ZNF16: variants seen among roughly 807,000 people sequenced by gnomAD.
ZNF16 encodes zinc finger protein KOX9.
In ZNF16, 7 loss-of-function variants were observed where a neutral mutation model predicts 9.0. The ratio of observed to expected loss-of-function variants is 0.78; its 90% confidence interval spans 0.44 to 1.47. ZNF16 has a LOEUF of 1.47. ZNF16 is among the 40% of genes most tolerant of loss of function. ZNF16 has a pLI of 0.01. For synonymous variants in ZNF16, 312 were observed against 301.5 expected, an observed-to-expected ratio of 1.03 and a Z score of -0.36; for missense variants, 830 against 854.2, an observed-to-expected ratio of 0.97 and a Z score of 0.35.
At position 144,932,299 on chromosome 8, in the gene ZNF16, C is replaced by A; in HGVS notation, c.488G>T (p.Ser163Ile). Reference sequence around the variant, plus strand: ...ACATGCCATCAGGTTTGGGCTCAGACTGAAGCGACTGTCAAAACCATTACA... The same window carrying A: ...ACATGCCATCAGGTTTGGGCTCAGAATGAAGCGACTGTCAAAACCATTACA... ...LDCNGFDSRFSLSPNLMACQE... is the reference protein window; with the variant it reads ...LDCNGFDSRFILSPNLMACQE... The change falls in exon 3 of 3, where the codon AGT (serine) becomes ATT (isoleucine). Residue 163 changes from serine (S) to isoleucine (I), a missense_variant. Physicochemically the swap from Ser to Ile is moderately radical, Grantham distance 142. Transcript: ENST00000394909. This position sits in a 1 kb window ranked among gnomAD's most constrained non-coding sequence, Gnocchi z 5.0. 1 of 1,614,184 alleles carries A rather than the reference C, an allele frequency of 6.2e-7. No homozygotes were observed. The highest frequency in any genetic ancestry group is 8.5e-7 in the Non-Finnish European group (1 of 1,180,044).
intron 2 of ZNF16, chr8:144,944,446 C>T (rs1031400110): frequency 6.8e-6 from 1 of 146,780 alleles, no homozygotes; most frequent in Non-Finnish European, 1.5e-5. Context: ...CGTGAGCCAC[C>T]GTGGTGCTGG....
intron 1 of ZNF16, among the ~76,000 whole-genome samples, chr8:144,946,834 T>C (rs868557256): frequency 1.6e-4 from 17 of 106,954 alleles, no homozygotes; most frequent in African/African-American, 6.8e-4. Flanking sequence ...TGGGCCTGTA[T>C]CCTGCTGTTG....
Position 144,932,342 on chromosome 8 carries a change from C to T in ZNF16, c.445G>A (p.Gly149Arg), listed in dbSNP as rs1289600599. The change falls in exon 3 of 3, where the codon GGG becomes AGG. Residue 149 changes from glycine (G) to arginine (R), a missense_variant. Gly to Arg is a moderately radical substitution (Grantham distance 125). Transcript: ENST00000394909. This position sits in a 1 kb window ranked among gnomAD's most constrained non-coding sequence, Gnocchi z 5.0. ...CCATTACAGTCCAGATCTTTCTCCC[C>T]TAAGGGGCCCCTAAGGAGCCCCATG... ...AAMGLLRGPL[G>R]EKDLDCNGFD... 6.2e-7 allele frequency: 1 copy of T among 1,614,016 alleles called. No homozygotes were observed. The highest frequency in any genetic ancestry group is 1.3e-5 in the African/African-American group (1 of 74,926).
At chr8:144,941,699 C>G in intron 2 of ZNF16, among the ~76,000 whole-genome samples, 1 of 151,260 alleles carries the variant, frequency 6.6e-6, no homozygotes, top group Non-Finnish European at 1.5e-5. Context: ...CTCGCTGTCA[C>G]CCAGGCTGGA....
intron 2 of ZNF16, among the ~76,000 whole-genome samples, chr8:144,941,536 G>C (rs1349395726): frequency 6.6e-6 from 1 of 152,154 alleles, no homozygotes; most frequent in African/African-American, 2.4e-5. Flanking sequence ...GAAAAGGAAG[G>C]ACTTCTGCCA....
chr8:144,950,125 T>A (rs192606132), intron 1 of ZNF16, among the ~76,000 whole-genome samples: 1 of 152,140 alleles, frequency 6.6e-6, no homozygotes, highest in African/African-American at 2.4e-5. Flanking sequence ...AAATCTGGCC[T>A]ACGTGCCCAT....
At chr8:144,936,282 G>T (rs1312093970) in intron 2 of ZNF16, among the ~76,000 whole-genome samples, 1 of 152,310 alleles carries the variant, frequency 6.6e-6, no homozygotes, top group South Asian at 2.1e-4. Flanking sequence ...ATATTCATTT[G>T]TATGTAGACA....
chr8:144,948,736 C>T (rs1275542977), intron 1 of ZNF16, among the ~76,000 whole-genome samples: 1 of 140,780 alleles, frequency 7.1e-6, no homozygotes, highest in African/African-American at 2.6e-5. Flanking sequence ...TTACACCCAA[C>T]TATGCTATGG....
chr8:144,935,209 T>A (rs111607717), intron 2 of ZNF16, among the ~76,000 whole-genome samples: 5 of 66,670 alleles, frequency 7.5e-5, no homozygotes, highest in African/African-American at 1.2e-4. Flanking sequence ...TTAAGAAAAA[T>A]TTTTTTTTTG....
At chr8:144,943,025 G>A (rs1316125814) in intron 2 of ZNF16, among the ~76,000 whole-genome samples, 2 of 152,142 alleles carry the variant, frequency 1.3e-5, no homozygotes, top group African/African-American at 2.4e-5. Context: ...TTCCTTGTGG[G>A]GCAGTCTATT....
chr8:144,944,687 G>A (rs1833886563), intron 2 of ZNF16: 1 of 152,060 alleles, frequency 6.6e-6, no homozygotes, highest in African/African-American at 2.4e-5. Context: ...CATGATTTTT[G>A]CTTTGTTAAA....
chr8:144,934,757 A>G (rs1325038242), intron 2 of ZNF16, among the ~76,000 whole-genome samples: 1 of 152,218 alleles, frequency 6.6e-6, no homozygotes, highest in Non-Finnish European at 1.5e-5. Context: ...CAACACAGAC[A>G]GGAGTCAGGA....
intron 2 of ZNF16, among the ~76,000 whole-genome samples, chr8:144,939,710 C>T (rs1181056645): frequency 6.7e-6 from 1 of 148,798 alleles, no homozygotes; most frequent in African/African-American, 2.5e-5. Flanking sequence ...TCTACCTATG[C>T]TTGAGTCAGT....
At chr8:144,941,667 AT>A (rs113061574) in intron 2 of ZNF16, among the ~76,000 whole-genome samples, 16,568 of 141,892 alleles carry the variant, frequency 0.12, 2,621 homozygotes, top group African/African-American at 0.37. Flanking sequence ...TCTTGTGTCC[AT>A]TTTTTTTTTT....
At chr8:144,939,204 T>G (rs1833747425) in intron 2 of ZNF16, among the ~76,000 whole-genome samples, 1 of 152,218 alleles carries the variant, frequency 6.6e-6, no homozygotes, top group African/African-American at 2.4e-5. Context: ...CATATCTTTA[T>G]CTGGCTTTGG....
chr8:144,941,799 C>T (rs1833801264), intron 2 of ZNF16, among the ~76,000 whole-genome samples: 1 of 151,462 alleles, frequency 6.6e-6, no homozygotes, highest in African/African-American at 2.4e-5. Context: ...GCTGGGACTA[C>T]AGGCGGGTGC....
chr8:144,942,752 T>C (rs1475502708), intron 2 of ZNF16, among the ~76,000 whole-genome samples: 2 of 152,214 alleles, frequency 1.3e-5, no homozygotes, highest in Admixed American at 1.3e-4. Context: ...CCTTTATACA[T>C]AGTGGGGTAA....
At chr8:144,934,588 G>C (rs1297427152) in intron 2 of ZNF16, among the ~76,000 whole-genome samples, 1 of 152,224 alleles carries the variant, frequency 6.6e-6, no homozygotes, top group Non-Finnish European at 1.5e-5. Context: ...TGCTGGGACA[G>C]GTGAGGTCTG....
chr8:144,935,803 C>T (rs1366689392), intron 2 of ZNF16, among the ~76,000 whole-genome samples: 6 of 152,208 alleles, frequency 3.9e-5, no homozygotes, highest in Admixed American at 1.3e-4. Flanking sequence ...GGCTGCACCA[C>T]GACCTCCCTC....
Sources: gnomAD v4.1 joint callset for allele counts (sites outside exome capture counted in the v4.1 genomes callset) on GRCh38, gnomAD v4.1.1 for gene constraint, Gnocchi (gnomAD v3.1) non-coding constraint, MANE v1.5 for transcripts, NCBI Gene and HGNC (gene_info 2026-07-23, HGNC 2026-07-21) for gene names.